CDC42SE1: variants seen among roughly 807,000 people sequenced by gnomAD.
CDC42SE1 encodes the protein CDC42 small effector 1.
CDC42SE1 carries 10 observed loss-of-function variants against 10.9 expected under a neutral mutation model. The observed-to-expected ratio is 0.92, with a 90% CI of 0.57 to 1.56. The LOEUF (loss-of-function observed/expected upper bound fraction) is 1.56. Ranked by LOEUF, CDC42SE1 falls within the 40% of genes most tolerant of loss-of-function variation. CDC42SE1 has a pLI of 0.00. For missense variants in CDC42SE1, 81 were observed against 100.8 expected (o/e 0.80, Z 0.84); for synonymous variants, 24 against 32.0 (o/e 0.75, Z 0.85).
chr1:151,056,068 T>C (rs986370088), intron 1 of CDC42SE1, 75 bp from the exon 2 acceptor site: 1 of 368,574 alleles, frequency 2.7e-6, no homozygotes, highest in Non-Finnish European at 5.2e-6. Flanking sequence ...AACCTCCTGA[T>C]GAGCCTATAT....
At chr1:151,058,398 A>G (rs956059920) in intron 1 of CDC42SE1, 11 of 152,520 alleles carry the variant, frequency 7.2e-5, no homozygotes, top group African/African-American at 2.7e-4. Context: ...AAAGCCAGAA[A>G]AGGAAGTAAG....
Position 151,055,081 on chromosome 1 carries a change from T to C in CDC42SE1, c.100A>G (p.Met34Val), listed in dbSNP as rs745594370. 7.1e-5 allele frequency: 115 copies of C among 1,613,660 alleles called. No individual in the cohort carries two copies. Among genetic ancestry groups the C allele is most frequent in the Non-Finnish European group, 8.1e-5 (96 of 1,179,978 alleles). ...RIDRTMIGEPMNFVHLTHIGS... is the reference protein window; with the variant it reads ...RIDRTMIGEPVNFVHLTHIGS... ...ATGTGAGTCAGGTGAACAAAATTCA[T>C]TGGTTCCCCAATCATGGTCCGGTCA... The change falls in exon 3 of 5, where the codon ATG becomes GTG. Residue 34 changes from methionine (M) to valine (V), a missense_variant. Met to Val is a conservative substitution (Grantham distance 21). Transcript: ENST00000357235.
At chr1:151,056,253 T>G (rs905206244) in intron 1 of CDC42SE1, among the ~76,000 whole-genome samples, 1 of 152,050 alleles carries the variant, frequency 6.6e-6, no homozygotes, top group African/African-American at 2.4e-5. Context: ...CACTTAGAGT[T>G]AAGAGGATGG....
chr1:151,056,361 T>C (rs1228657055), intron 1 of CDC42SE1, among the ~76,000 whole-genome samples: 1 of 152,074 alleles, frequency 6.6e-6, no homozygotes, highest in African/African-American at 2.4e-5. Context: ...GGGAGGGGCA[T>C]TTAAGTGACT....
chr1:151,054,932 A>G (rs891297692), intron 3 of CDC42SE1, 84 bp downstream of exon 3: 4 of 1,001,826 alleles, frequency 4.0e-6, no homozygotes, highest in Non-Finnish European at 6.3e-6. Flanking sequence ...GAGTATTTTC[A>G]TATGTCCCTA....
rs936930309 is a variant in CDC42SE1 at position 151,052,563 on chromosome 1, G to C, written c.*781C>G. On this transcript the variant is annotated 3_prime_UTR_variant, in exon 5 of 5. Transcript: ENST00000357235. Reference sequence around the variant, plus strand: ...AAACTTAAATGGAATGTCATCAGGTGAAGAGCTACCTCTTACCTTAACTCT... The same window carrying C: ...AAACTTAAATGGAATGTCATCAGGTCAAGAGCTACCTCTTACCTTAACTCT... 3.3e-5 allele frequency: 5 copies of C among 152,608 alleles called. No homozygotes were observed. The highest frequency in any genetic ancestry group is 1.5e-5 in the Non-Finnish European group (1 of 68,036). The allele number at this position is 152,608 out of a possible 1,614,324, so 9.5% of individuals were successfully genotyped here.
chr1:151,058,855 C>G (rs75309199), intron 1 of CDC42SE1: 2,036 of 152,720 alleles, frequency 0.013, 33 homozygotes, highest in Non-Finnish European at 0.022. Flanking sequence ...CGCGGCCTGA[C>G]AAGCCCTCAC....
chr1:151,055,717 CA>C lies in CDC42SE1; in HGVS notation c.13del (p.Trp5GlyfsTer9). On this transcript the variant is annotated frameshift_variant, in exon 2 of 5. Transcript: ENST00000357235. LOFTEE classifies it high-confidence loss of function. MSEF[W>X]HKLGCCVVEK... The stretch of plus-strand genomic sequence containing the variant: ...TACCACACAGCAGCCCAGTTTGTGC[CA>C]AAATTCACTCATGTTCCCTGATGGT... The C allele has an allele frequency of 1.2e-6, 2 of 1,613,340 alleles. No homozygotes were observed. Among genetic ancestry groups the C allele is most frequent in the Non-Finnish European group, 8.5e-7 (1 of 1,179,530 alleles).
intron 4 of CDC42SE1, among the ~76,000 whole-genome samples, chr1:151,053,641 C>A (rs1676226003): frequency 6.6e-6 from 1 of 152,126 alleles, no homozygotes; most frequent in Non-Finnish European, 1.5e-5. Context: ...GCCATCATGC[C>A]TGGCTAATTT....
rs1676268397 is a variant in CDC42SE1 at position 151,055,829 on chromosome 1, C to T, written c.-99G>A. On this transcript the variant is annotated 5_prime_UTR_variant, in exon 2 of 5. Coordinates refer to ENST00000357235, the MANE Select transcript of CDC42SE1 (RefSeq NM_020239.4). Reference sequence around the variant, plus strand: ...CACTCCTCACTCTCCCCAGATACACCACCACCCTGGGTTCACTCAGCTGGA... The same window carrying T: ...CACTCCTCACTCTCCCCAGATACACTACCACCCTGGGTTCACTCAGCTGGA... The T allele has an allele frequency of 9.0e-6, 9 of 998,024 alleles. No individual in the cohort carries two copies. Among genetic ancestry groups the T allele is most frequent in the South Asian group, 1.4e-5 (1 of 73,884 alleles). The allele number at this position is 998,024 out of a possible 1,614,324, so 61.8% of individuals were successfully genotyped here. A position where few individuals can be genotyped will look rare whatever the true frequency, so the allele number is the denominator to read the frequency against.
chr1:151,053,026 A>C lies in CDC42SE1; in HGVS notation c.*318T>G, dbSNP rs938471046. The C allele has an allele frequency of 1.3e-5, 2 of 152,642 alleles. No homozygotes were observed. Among genetic ancestry groups the C allele is most frequent in the Non-Finnish European group, 1.5e-5 (1 of 68,076 alleles). The allele number at this position is 152,642 out of a possible 1,614,324, so 9.5% of individuals were successfully genotyped here. ...GGTGGCACCCAGACCATCATTCAGG[A>C]GACAGGAACTCATTCCAGGTTCCTA... On this transcript the variant is annotated 3_prime_UTR_variant, in exon 5 of 5. Coordinates refer to ENST00000357235, the MANE Select transcript of CDC42SE1 (RefSeq NM_020239.4).
chr1:151,054,259 A>G lies in CDC42SE1; in HGVS notation c.228T>C (p.Ser76=), dbSNP rs773821706. The part of the protein sequence containing the change: ...KGNRDRPWSN[S]RGL Reference sequence around the variant, plus strand: ...TCCATTATTGGAGCTATAAGCCCCTAGAATTGCTCCATGGCCTATCTCGGT... The same window carrying G: ...TCCATTATTGGAGCTATAAGCCCCTGGAATTGCTCCATGGCCTATCTCGGT... Residue 76 remains serine, a synonymous_variant, in exon 4 of 5, where the codon TCT becomes TCC. Coordinates refer to ENST00000357235, the MANE Select transcript of CDC42SE1 (RefSeq NM_020239.4). 6.2e-7 allele frequency: 1 copy of G among 1,612,728 alleles called. No individual in the cohort carries two copies. The highest frequency in any genetic ancestry group is 2.2e-5 in the East Asian group (1 of 44,878).
intron 3 of CDC42SE1, 76 bp from the exon 4 acceptor site, chr1:151,054,397 G>A: frequency 2.5e-6 from 3 of 1,182,390 alleles, no homozygotes; most frequent in Non-Finnish European, 3.8e-6. Flanking sequence ...GTGCCTTCCA[G>A]GGAAGAGGCT....
rs879577016 is a variant in CDC42SE1, at chr1:151,051,212, C to T, written c.*2132G>A. On this transcript the variant is annotated 3_prime_UTR_variant, in exon 5 of 5. Transcript: ENST00000357235. ...ACCAGAGATTTCTAGGAGTCTCTAACCTTTCCACCCTATCCTGTTAACCCT... is the reference window on the plus strand; with the variant it reads ...ACCAGAGATTTCTAGGAGTCTCTAATCTTTCCACCCTATCCTGTTAACCCT... 1 of 151,600 alleles carries T rather than the reference C, an allele frequency of 6.6e-6. No homozygotes were observed. The highest frequency in any genetic ancestry group is 2.4e-5 in the African/African-American group (1 of 41,236). The allele number at this position is 151,600 out of a possible 1,614,324, so 9.4% of individuals were successfully genotyped here.
chr1:151,056,835 G>A (rs1384418457), intron 1 of CDC42SE1: 3 of 152,316 alleles, frequency 2.0e-5, no homozygotes, highest in Admixed American at 6.5e-5. Flanking sequence ...TGTCCCATGA[G>A]GAATATTTTC....
At chr1:151,055,355 T>C in intron 2 of CDC42SE1, 2 of 590,806 alleles carry the variant, frequency 3.4e-6, no homozygotes, top group Non-Finnish European at 6.0e-6. Flanking sequence ...GAGTGAACAC[T>C]GGACAAAGAA....
chr1:151,057,640 T>C lies in CDC42SE1; in HGVS notation c.-263-1647A>G, dbSNP rs75340124. 1,156 of 151,506 alleles carry C rather than the reference T, an allele frequency of 7.6e-3. 9 individuals carry two copies. Among genetic ancestry groups the C allele is most frequent in the Non-Finnish European group, 0.012 (807 of 68,144 alleles). The allele number at this position is 151,506 out of a possible 1,614,324, so 9.4% of individuals were successfully genotyped here. A position where few individuals can be genotyped will look rare whatever the true frequency, so the allele number is the denominator to read the frequency against. On this transcript the variant is annotated intron_variant, in intron 1 of 4. Coordinates refer to ENST00000357235, the MANE Select transcript of CDC42SE1 (RefSeq NM_020239.4). The surrounding 1 kb of genome is among the most constrained non-coding windows in gnomAD (Gnocchi z 4.0). ...AGAGTTGCGGCTACAGTGAGCCATG[T>C]TTGCACCCCTGCACTCCAGCCTGGG...
In CDC42SE1 at chr1:151,055,019, G is replaced by A. The variant is rs1206354704; in HGVS notation, c.162C>T (p.Ala54=). ...CCTCTCCCCATTTCCTTGTTACCAT[G>A]GCAAGTCCATCTCCGGCCCCCATCT... The part of the protein sequence containing the change: ...SGEMGAGDGL[A]MTGAVQEQMR... Residue 54 remains alanine (A), a synonymous_variant, in exon 3 of 5, where the codon GCC becomes GCT. Transcript: ENST00000357235. 1 of 1,610,692 alleles carries A rather than the reference G, an allele frequency of 6.2e-7. No homozygotes were observed. The highest frequency in any genetic ancestry group is 8.5e-7 in the Non-Finnish European group (1 of 1,177,180).
At chr1:151,053,980 C>T (rs587644005) in intron 4 of CDC42SE1, among the ~76,000 whole-genome samples, 6 of 152,116 alleles carry the variant, frequency 3.9e-5, no homozygotes, top group Non-Finnish European at 8.8e-5. Context: ...CAGGAGCACG[C>T]CACTGTGCCC....
Sources: gnomAD v4.1 joint callset for allele counts (sites outside exome capture counted in the v4.1 genomes callset) on GRCh38, gnomAD v4.1.1 for gene constraint, Gnocchi (gnomAD v3.1) non-coding constraint, MANE v1.5 for transcripts, NCBI Gene and HGNC (gene_info 2026-07-23, HGNC 2026-07-21) for gene names.